Variants in DDX4 observed in about 807,000 individuals in gnomAD.
DDX4 encodes the protein DEAD-box helicase 4.
DDX4 carries 25 observed loss-of-function variants against 100.0 expected under a neutral mutation model. That is an observed-to-expected ratio of 0.25 (90% CI 0.18 to 0.35). DDX4 has a LOEUF of 0.35. Ranked by LOEUF, DDX4 falls within the 10% of genes least tolerant of loss-of-function variation. The probability of loss-of-function intolerance (pLI) is 1.00; values close to 1 mark genes in which losing one functional copy is unlikely to be tolerated. For missense variants in DDX4, 635 were observed against 882.4 expected, an observed-to-expected ratio of 0.72 and a Z score of 3.55; for synonymous variants, 259 against 275.7, an observed-to-expected ratio of 0.94 and a Z score of 0.60.
At chr5:55,752,368 A>G (rs567191021) in intron 3 of DDX4, among the ~76,000 whole-genome samples, 9 of 130,890 alleles carry the variant, frequency 6.9e-5, no homozygotes, top group South Asian at 2.5e-4. Flanking sequence ...AGAGTGTGAT[A>G]TTCCCCTTCC....
chr5:55,812,424 T>A (rs1744172005), intron 18 of DDX4, among the ~76,000 whole-genome samples: 1 of 151,772 alleles, frequency 6.6e-6, no homozygotes, highest in South Asian at 2.1e-4. Flanking sequence ...ATTAGCTGGG[T>A]GTGGTGGCAG....
chr5:55,805,438 C>T (rs1183799886), intron 18 of DDX4, among the ~76,000 whole-genome samples: 9 of 150,922 alleles, frequency 6.0e-5, no homozygotes, highest in Non-Finnish European at 1.0e-4. Flanking sequence ...TTTGCCCATT[C>T]AGTATGATAT....
chr5:55,803,465 T>TCCCTCCC (rs1334890295), intron 18 of DDX4, among the ~76,000 whole-genome samples: 11 of 89,350 alleles, frequency 1.2e-4, no homozygotes, highest in African/African-American at 5.0e-4. Flanking sequence ...CCCAATGCTA[T>TCCCTCCC]CCCTCCCCCC....
chr5:55,788,455 C>A (rs1742366895), intron 15 of DDX4, among the ~76,000 whole-genome samples: 1 of 151,794 alleles, frequency 6.6e-6, no homozygotes, highest in South Asian at 2.1e-4. Context: ...AGAGCGAGAC[C>A]CTGTCTCCAA....
At chr5:55,758,512 C>T (rs556540202) in intron 3 of DDX4, among the ~76,000 whole-genome samples, 3 of 152,010 alleles carry the variant, frequency 2.0e-5, no homozygotes, top group Admixed American at 6.6e-5. Flanking sequence ...CTGTAAAACC[C>T]GATCTCTCTG....
At chr5:55,784,693 C>T (rs1742140054) in intron 10 of DDX4, among the ~76,000 whole-genome samples, 1 of 151,832 alleles carries the variant, frequency 6.6e-6, no homozygotes. Context: ...AAGGTGAGTA[C>T]ATTATTAGCC....
chr5:55,763,118 G>A (rs1740667936), intron 4 of DDX4, 57 bp from the exon 5 acceptor site: 1 of 1,140,018 alleles, frequency 8.8e-7, no homozygotes, highest in Non-Finnish European at 1.3e-6. Flanking sequence ...CTTAGTTTTT[G>A]ATGATGACAC....
intron 18 of DDX4, among the ~76,000 whole-genome samples, chr5:55,803,029 A>G (rs1011622787): frequency 2.0e-5 from 3 of 151,724 alleles, no homozygotes; most frequent in Admixed American, 6.6e-5. Flanking sequence ...TACATGTGCC[A>G]TGTTGGTGTG....
At chr5:55,803,178 G>A (rs374536938) in intron 18 of DDX4, among the ~76,000 whole-genome samples, 3 of 126,944 alleles carry the variant, frequency 2.4e-5, no homozygotes, top group Non-Finnish European at 4.8e-5. Flanking sequence ...AATTCCCACC[G>A]ATGAGTGAGA....
intron 18 of DDX4, among the ~76,000 whole-genome samples, chr5:55,810,352 G>T (rs536765754): frequency 1.3e-5 from 2 of 152,088 alleles, no homozygotes; most frequent in East Asian, 1.9e-4. Flanking sequence ...TGATCCGCCC[G>T]CCTTGGCCTC....
At chr5:55,765,591 G>A (rs140849736) in intron 6 of DDX4, among the ~76,000 whole-genome samples, 279 of 151,738 alleles carry the variant, frequency 1.8e-3, no homozygotes, top group African/African-American at 4.8e-3. Flanking sequence ...TAGTGATAAG[G>A]AACTCAGATA....
chr5:55,786,766 A>T, intron 14 of DDX4, 96 bp downstream of exon 14: 1 of 940,572 alleles, frequency 1.1e-6, no homozygotes, highest in Non-Finnish European at 1.7e-6. Context: ...AGGTTTGTAG[A>T]TGGTTTCAGT....
rs148429987 is a variant in DDX4, at chr5:55,788,544, G to A, written c.1172+544G>A. Among the ~76,000 whole-genome samples, 537 of 152,188 alleles carry A rather than the reference G, an allele frequency of 3.5e-3. 6 individuals are homozygous for A. Among genetic ancestry groups the A allele is most frequent in the African/African-American group, 0.012 (502 of 41,520 alleles). The stretch of plus-strand genomic sequence containing the variant: ...AACATACTGGTATTATTTCTTGGTA[G>A]TTTTTAATGTATATTTAAAAATGAA... On this transcript the variant is annotated intron_variant, in intron 15 of 21. Coordinates refer to ENST00000505374, the MANE Select transcript of DDX4 (RefSeq NM_024415.3).
At chr5:55,802,218 GA>G (rs1230268450) in intron 18 of DDX4, among the ~76,000 whole-genome samples, 1 of 152,162 alleles carries the variant, frequency 6.6e-6, no homozygotes, top group Non-Finnish European at 1.5e-5. Flanking sequence ...TAACTACCAT[GA>G]AAACTAAGGA....
At position 55,779,998 on chromosome 5, in the gene DDX4, G is replaced by A. The variant is rs769412861; in HGVS notation, c.429G>A (p.Gly143=). The change falls in exon 8 of 22, where the codon GGG becomes GGA. Residue 143 remains glycine (G), a synonymous_variant. Coordinates refer to ENST00000505374, the MANE Select transcript of DDX4 (RefSeq NM_024415.3). ...ATGGAAATAATTCAGAAGCTTCAGG[G>A]CCATACAGAAGAGGTGGAAGAGGTA... ...YRDGNNSEAS[G]PYRRGGRGSF... is the part of the protein sequence containing the mutation. 1.9e-6 allele frequency: 3 copies of A among 1,613,936 alleles called. No homozygotes were observed. Among genetic ancestry groups the A allele is most frequent in the Non-Finnish European group, 8.5e-7 (1 of 1,179,916 alleles).
chr5:55,815,655 A>G (rs1042977759), intron 21 of DDX4, among the ~76,000 whole-genome samples: 6 of 152,176 alleles, frequency 3.9e-5, no homozygotes, highest in Non-Finnish European at 8.8e-5. Flanking sequence ...CCAGATTTTA[A>G]ATTTTAATTT....
At chr5:55,783,251 G>A (rs891423261) in intron 10 of DDX4, among the ~76,000 whole-genome samples, 2 of 151,938 alleles carry the variant, frequency 1.3e-5, no homozygotes, top group African/African-American at 4.8e-5. Context: ...CACCCCTGCT[G>A]ATTCTTGGAT....
intron 17 of DDX4, among the ~76,000 whole-genome samples, chr5:55,795,713 C>T (rs955595133): frequency 1.3e-5 from 2 of 152,154 alleles, no homozygotes; most frequent in Non-Finnish European, 2.9e-5. Context: ...GTTGAGGCTG[C>T]AGTGAGCCAT....
chr5:55,773,323 T>G (rs999013284), intron 7 of DDX4: 1 of 152,278 alleles, frequency 6.6e-6, no homozygotes, highest in Non-Finnish European at 1.5e-5. Flanking sequence ...GTTTCCACTT[T>G]TGGGCTATCA....
Sources: allele counts gnomAD v4.1 joint callset (sites outside exome capture counted in the v4.1 genomes callset), GRCh38; gene constraint gnomAD v4.1.1; transcripts MANE v1.5; gene names NCBI Gene and HGNC (gene_info 2026-07-23, HGNC 2026-07-21).